Variants in JARID2 observed in about 807,000 individuals in gnomAD.
JARID2 encodes jumonji and AT-rich interaction domain containing 2.
JARID2 carries 21 observed loss-of-function variants against 125.6 expected under a neutral mutation model. That is an observed-to-expected ratio of 0.17 (90% CI 0.12 to 0.24). JARID2 has a LOEUF of 0.24. Among genes scored for constraint, JARID2 ranks in the 10% least tolerant of loss-of-function variants. JARID2 has a pLI of 1.00. For synonymous variants in JARID2, 736 were observed against 661.6 expected (o/e 1.11, Z -1.73); for missense variants, 1,303 against 1,639.6 (o/e 0.79, Z 3.55).
intron 1 of JARID2, among the ~76,000 whole-genome samples, chr6:15,335,380 G>A (rs556742945): frequency 6.6e-6 from 1 of 152,264 alleles, no homozygotes; most frequent in African/African-American, 2.4e-5. Context: ...GATTGCTGGT[G>A]TGAGCCACTG....
rs200780782 is a variant in JARID2, at chr6:15,520,272, G to A, written c.*21G>A. On this transcript the variant is annotated 3_prime_UTR_variant, in exon 18 of 18. Transcript: ENST00000341776. Reference sequence around the variant, plus strand: ...CATGAAGATGCCAACGCCCGTGGTCGATTTATATATATTTTTTTGTAATTA... The same window carrying A: ...CATGAAGATGCCAACGCCCGTGGTCAATTTATATATATTTTTTTGTAATTA... 4.5e-6 allele frequency: 7 copies of A among 1,547,280 alleles called. No homozygotes were observed. Among genetic ancestry groups the A allele is most frequent in the African/African-American group, 2.8e-5 (2 of 71,746 alleles).
intron 3 of JARID2, among the ~76,000 whole-genome samples, chr6:15,446,511 AAG>A (rs1221100167): frequency 6.6e-6 from 1 of 152,222 alleles, no homozygotes; most frequent in Non-Finnish European, 1.5e-5. Context: ...TGGCAAGAGA[AAG>A]AGTATTCCAG....
At chr6:15,277,814 GT>G (rs1434492636) in intron 1 of JARID2, among the ~76,000 whole-genome samples, 1 of 150,686 alleles carries the variant, frequency 6.6e-6, no homozygotes, top group East Asian at 1.9e-4. Flanking sequence ...ATTCCATGTA[GT>G]TGCAAAAGGC....
intron 1 of JARID2, among the ~76,000 whole-genome samples, chr6:15,364,323 G>A (rs934824533): frequency 3.9e-5 from 6 of 152,226 alleles, no homozygotes; most frequent in Non-Finnish European, 8.8e-5. Flanking sequence ...TGGCCACCCT[G>A]TGGGTACTTG....
chr6:15,442,906 G>A (rs936945625), intron 3 of JARID2, among the ~76,000 whole-genome samples: 1 of 152,064 alleles, frequency 6.6e-6, no homozygotes, highest in African/African-American at 2.4e-5. Context: ...ATAAAAAACT[G>A]TACTGCATAT....
intron 2 of JARID2, among the ~76,000 whole-genome samples, chr6:15,382,054 C>T (rs1169246503): frequency 1.3e-5 from 2 of 152,120 alleles, no homozygotes; most frequent in Non-Finnish European, 2.9e-5. Flanking sequence ...GAGGCCGAGG[C>T]GGGCGGATCA....
intron 5 of JARID2, among the ~76,000 whole-genome samples, chr6:15,487,073 T>G (rs1581632117): frequency 6.6e-6 from 1 of 151,814 alleles, no homozygotes; most frequent in Admixed American, 6.6e-5. Flanking sequence ...GAGCGTGAGG[T>G]GGGAAACACT....
At chr6:15,439,290 T>C (rs1767348600) in intron 3 of JARID2, among the ~76,000 whole-genome samples, 1 of 152,204 alleles carries the variant, frequency 6.6e-6, no homozygotes, top group Admixed American at 6.5e-5. Flanking sequence ...TATAAGCCTG[T>C]TGCATGGATC....
At chr6:15,261,584 T>TA (rs1759880201) in intron 1 of JARID2, among the ~76,000 whole-genome samples, 1 of 151,986 alleles carries the variant, frequency 6.6e-6, no homozygotes, top group African/African-American at 2.4e-5. Flanking sequence ...CCTCCCAAAG[T>TA]GCTGGGATTA....
chr6:15,514,999 A>C (rs1277528637), intron 16 of JARID2, among the ~76,000 whole-genome samples: 1 of 152,080 alleles, frequency 6.6e-6, no homozygotes, highest in Admixed American at 6.5e-5. Context: ...AGTATCTTAT[A>C]AACATCACTG....
intron 5 of JARID2, among the ~76,000 whole-genome samples, chr6:15,471,342 A>T (rs1410923946): frequency 6.6e-6 from 1 of 152,170 alleles, no homozygotes; most frequent in Admixed American, 6.5e-5. Flanking sequence ...CCTCTGGAGA[A>T]CTTTTTCTTG....
At chr6:15,452,762 G>A (rs1263623358) in intron 4 of JARID2, among the ~76,000 whole-genome samples, 1 of 152,208 alleles carries the variant, frequency 6.6e-6, no homozygotes, top group Admixed American at 6.5e-5. Flanking sequence ...AGTTATTTGT[G>A]AAAGTGTTTG....
chr6:15,451,596 G>A lies in JARID2; in HGVS notation c.324-410G>A, dbSNP rs375725331. 3.3e-5 allele frequency among the ~76,000 whole-genome samples: 5 copies of A among 152,300 alleles called. No individual in the cohort carries two copies. In the East Asian group the frequency reaches 5.8e-4, roughly 18 times the overall value. On this transcript the variant is annotated intron_variant, in intron 3 of 17. Coordinates refer to ENST00000341776, the MANE Select transcript of JARID2 (RefSeq NM_004973.4). ...GGATTTGTGACCCCGTTAGATGGAC[G>A]TATAGGATGTATATAAATACAGCAG...
intron 1 of JARID2, among the ~76,000 whole-genome samples, chr6:15,333,108 A>G (rs1157076400): frequency 1.3e-5 from 2 of 150,852 alleles, no homozygotes; most frequent in Non-Finnish European, 3.0e-5. Flanking sequence ...AATTTTTTGT[A>G]TTTTTAGTAG....
At chr6:15,363,755 AC>A (rs1382787737) in intron 1 of JARID2, among the ~76,000 whole-genome samples, 3 of 152,228 alleles carry the variant, frequency 2.0e-5, no homozygotes, top group Non-Finnish European at 4.4e-5. Context: ...TGGTGGACAC[AC>A]GTTATTAGTG....
chr6:15,517,376 AG>A, intron 17 of JARID2, 108 bp downstream of exon 17: 1 of 750,226 alleles, frequency 1.3e-6, no homozygotes, highest in Non-Finnish European at 2.3e-6. Context: ...GCGGGTAGTC[AG>A]GGCTCTGCAG....
intron 3 of JARID2, among the ~76,000 whole-genome samples, chr6:15,433,921 GGTGTGTGTGTGTGTGTGT>G (rs146025914): frequency 0.14 from 18,306 of 131,336 alleles, 1,251 homozygotes; most frequent in African/African-American, 0.17. Flanking sequence ...CACTCTCCAG[GGTGTGTGTGTGTGTGTGT>G]GTGTGTGTGT....
chr6:15,436,854 A>G (rs1300446536), intron 3 of JARID2, among the ~76,000 whole-genome samples: 3 of 151,034 alleles, frequency 2.0e-5, no homozygotes, highest in Non-Finnish European at 4.4e-5. Context: ...GTGTTTTCCT[A>G]TTCAGTTATA....
At chr6:15,482,733 G>A (rs1463980523) in intron 5 of JARID2, among the ~76,000 whole-genome samples, 1 of 152,202 alleles carries the variant, frequency 6.6e-6, no homozygotes, top group African/African-American at 2.4e-5. Context: ...TAGGATAGTA[G>A]GCTCTACTGG....
Sources: allele counts gnomAD v4.1 joint callset (sites outside exome capture counted in the v4.1 genomes callset), GRCh38; gene constraint gnomAD v4.1.1; transcripts MANE v1.5; gene names NCBI Gene and HGNC (gene_info 2026-07-23, HGNC 2026-07-21).